Variants in EYS observed in about 807,000 individuals in gnomAD.
The protein encoded by EYS is protein eyes shut homolog.
In EYS, 250 loss-of-function variants were observed where a neutral mutation model predicts 282.1. The ratio of observed to expected loss-of-function variants is 0.89; its 90% CI spans 0.80 to 0.98. EYS has a LOEUF of 0.98. Ranked by LOEUF, EYS falls within the 50% of genes least tolerant of loss-of-function variation. The pLI is 0.00. For synonymous variants in EYS, 1,355 were observed against 1,282.9 expected (o/e 1.06, Z -1.20); for missense variants, 4,016 against 3,709.0 (o/e 1.08, Z -2.15).
At chr6:64,534,357 A>T (rs1336312458) in intron 26 of EYS, among the ~76,000 whole-genome samples, 1 of 151,960 alleles carries the variant, frequency 6.6e-6, no homozygotes, top group Non-Finnish European at 1.5e-5. Flanking sequence ...AGTCTGTGTT[A>T]TCAGAGAACA....
At chr6:65,376,759 A>G (rs1458652592) in intron 8 of EYS, among the ~76,000 whole-genome samples, 1 of 152,196 alleles carries the variant, frequency 6.6e-6, no homozygotes, top group East Asian at 1.9e-4. Flanking sequence ...ACCAAGAAAT[A>G]TCAAAAAAGA....
At position 64,449,191 on chromosome 6, in the gene EYS, G is replaced by A. The variant is rs192763593; in HGVS notation, c.5645-9839C>T. Among the ~76,000 whole-genome samples, 307 of 152,214 alleles carry A rather than the reference G, an allele frequency of 2.0e-3. 1 individual carries two copies. The highest frequency in any genetic ancestry group is 6.7e-3 in the African/African-American group (280 of 41,532). On this transcript the variant is annotated intron_variant, in intron 26 of 42. Transcript: ENST00000503581. ...TTCATGGAGCTGAAAACCATGGCAC[G>A]AGAACTACGTGATGAATGCACAAGC...
In EYS at chr6:65,242,738, A is replaced by T. The variant is rs527706886; in HGVS notation, c.2023+53125T>A. Among the ~76,000 whole-genome samples, 5 of 152,278 alleles carry T rather than the reference A, an allele frequency of 3.3e-5. No homozygotes were observed. The East Asian group carries it at 9.6e-4, about 29-fold the overall frequency. ...TGGATGATTTTACATTTTCACTAGC[A>T]ACATATTAGGGTTCCCATTTCTCTA... On this transcript the variant is annotated intron_variant, in intron 12 of 42. Coordinates refer to ENST00000503581, the MANE Select transcript of EYS (RefSeq NM_001142800.2).
At chr6:65,416,274 G>A (rs1463459791) in intron 5 of EYS, among the ~76,000 whole-genome samples, 1 of 151,868 alleles carries the variant, frequency 6.6e-6, no homozygotes, top group African/African-American at 2.4e-5. Flanking sequence ...TTTGCTATAA[G>A]AGTACAGTAC....
At chr6:65,461,536 GC>G (rs1478314512) in intron 5 of EYS, among the ~76,000 whole-genome samples, 9 of 152,058 alleles carry the variant, frequency 5.9e-5, no homozygotes, top group African/African-American at 2.2e-4. Flanking sequence ...CTGGCCTTCT[GC>G]TTCTGTTTCT....
At chr6:63,888,691 G>T (rs1007197429) in intron 35 of EYS, among the ~76,000 whole-genome samples, 1 of 152,204 alleles carries the variant, frequency 6.6e-6, no homozygotes, top group Non-Finnish European at 1.5e-5. Context: ...GTAAACCAGC[G>T]TAAAAAGGCT....
chr6:65,124,483 A>T (rs1775660655), intron 12 of EYS, among the ~76,000 whole-genome samples: 1 of 152,184 alleles, frequency 6.6e-6, no homozygotes, highest in Non-Finnish European at 1.5e-5. Flanking sequence ...TCAGAATAAA[A>T]AATGGAGTTT....
intron 12 of EYS, among the ~76,000 whole-genome samples, chr6:65,064,902 G>A (rs569682856): frequency 1.6e-4 from 25 of 152,200 alleles, no homozygotes; most frequent in African/African-American, 5.8e-4. Context: ...AGTTAAAGGA[G>A]CTGAATAGTC....
chr6:65,114,856 C>T (rs1255361123), intron 12 of EYS, among the ~76,000 whole-genome samples: 3 of 151,940 alleles, frequency 2.0e-5, no homozygotes, highest in East Asian at 3.9e-4. Flanking sequence ...ATTATACGCC[C>T]TCTATTTCAC....
intron 29 of EYS, among the ~76,000 whole-genome samples, chr6:64,328,371 C>T (rs935243916): frequency 1.3e-4 from 20 of 152,270 alleles, no homozygotes; most frequent in African/African-American, 4.3e-4. Context: ...TAACCAGGCT[C>T]AAGGGCTACA....
intron 12 of EYS, among the ~76,000 whole-genome samples, chr6:65,128,323 A>T (rs192762897): frequency 1.3e-5 from 2 of 152,148 alleles, no homozygotes; most frequent in Admixed American, 1.3e-4. Context: ...TGAAAATCCT[A>T]GCTAGAACAA....
chr6:64,333,699 C>A (rs953006168), intron 29 of EYS, among the ~76,000 whole-genome samples: 1 of 152,114 alleles, frequency 6.6e-6, no homozygotes, highest in Non-Finnish European at 1.5e-5. Flanking sequence ...GAAGAAAACC[C>A]AAAGGACCCA....
rs371282664 is a variant in EYS at position 63,929,086 on chromosome 6, G to A, written c.7055+55297C>T. Reference sequence around the variant, plus strand: ...CCTGGATTTATCTAGGCAAGTAGACGGGGTCAAATGGGATCCATGAGCATG... The same window carrying A: ...CCTGGATTTATCTAGGCAAGTAGACAGGGTCAAATGGGATCCATGAGCATG... On this transcript the variant is annotated intron_variant, in intron 35 of 42. Transcript: ENST00000503581. Among the ~76,000 whole-genome samples the A allele has an allele frequency of 3.3e-5, 5 of 152,234 alleles. No homozygotes were observed. The South Asian group carries it at 6.2e-4, about 19-fold the overall frequency.
chr6:64,373,960 C>T (rs1037356951), intron 29 of EYS, among the ~76,000 whole-genome samples: 1 of 151,856 alleles, frequency 6.6e-6, no homozygotes, highest in Admixed American at 6.6e-5. Flanking sequence ...GCCTGGCTAT[C>T]AGCAGCTGGG....
chr6:63,819,717 AG>A (rs1771271692), intron 36 of EYS, among the ~76,000 whole-genome samples: 2 of 152,338 alleles, frequency 1.3e-5, no homozygotes, highest in Admixed American at 1.3e-4. Context: ...CCTGTTGTTT[AG>A]AAGTAATATT....
intron 14 of EYS, among the ~76,000 whole-genome samples, chr6:64,959,273 T>G (rs566278512): frequency 6.6e-6 from 1 of 152,208 alleles, no homozygotes; most frequent in Non-Finnish European, 1.5e-5. Flanking sequence ...TAAAACTCAT[T>G]AATTTATGAA....
At chr6:63,905,845 AG>A (rs1773766582) in intron 35 of EYS, among the ~76,000 whole-genome samples, 1 of 151,982 alleles carries the variant, frequency 6.6e-6, no homozygotes, top group Non-Finnish European at 1.5e-5. Context: ...ATTTTGTGTC[AG>A]TTGTCTCTCC....
At chr6:64,650,499 T>C (rs1768519553) in intron 22 of EYS, among the ~76,000 whole-genome samples, 1 of 151,976 alleles carries the variant, frequency 6.6e-6, no homozygotes, top group African/African-American at 2.4e-5. Context: ...AAAATGTGGA[T>C]TAAATGAAAG....
rs1776697588 is a variant in EYS, at chr6:64,490,225, A to G, written c.5645-50873T>C. On this transcript the variant is annotated intron_variant, in intron 26 of 42. Coordinates refer to ENST00000503581, the MANE Select transcript of EYS (RefSeq NM_001142800.2). ...GACTATTGCCCCGAATAACAATATAATACACTAAAACTGAAAATGAATGGT... is the reference window on the plus strand; with the variant it reads ...GACTATTGCCCCGAATAACAATATAGTACACTAAAACTGAAAATGAATGGT... Among the ~76,000 whole-genome samples the G allele has an allele frequency of 2.7e-5, 4 of 150,872 alleles. No homozygotes were observed. The South Asian group carries it at 8.3e-4, about 31-fold the overall frequency.
Sources: gnomAD v4.1 joint callset for allele counts (sites outside exome capture counted in the v4.1 genomes callset) on GRCh38, gnomAD v4.1.1 for gene constraint, MANE v1.5 for transcripts, NCBI Gene and HGNC (gene_info 2026-07-23, HGNC 2026-07-21) for gene names.